Variants in PLXDC2 observed in about 807,000 individuals in gnomAD.
PLXDC2 encodes the protein plexin domain-containing protein 2.
Under a neutral mutation model 68.9 loss-of-function variants are expected in PLXDC2, and 40 were observed. The observed-to-expected ratio is 0.58, with a 90% confidence interval of 0.45 to 0.76. The LOEUF is 0.76. Ranked by LOEUF, PLXDC2 falls within the 30% of genes least tolerant of loss-of-function variation. PLXDC2 has a pLI of 0.00. For missense variants in PLXDC2, 644 were observed against 661.9 expected (o/e 0.97, Z 0.30); for synonymous variants, 243 against 234.2 (o/e 1.04, Z -0.34).
intron 13 of PLXDC2, among the ~76,000 whole-genome samples, chr10:20,261,777 C>T (rs1054040337): frequency 2.0e-5 from 3 of 152,142 alleles, no homozygotes; most frequent in Non-Finnish European, 2.9e-5. Flanking sequence ...TTGCTTGAAC[C>T]CGGGAGGCGG....
chr10:20,011,870 G>T (rs1835120135), intron 2 of PLXDC2, among the ~76,000 whole-genome samples: 1 of 152,144 alleles, frequency 6.6e-6, no homozygotes, highest in Non-Finnish European at 1.5e-5. Context: ...TGCCAGTTGG[G>T]TACACGAATC....
chr10:19,890,452 C>G (rs941100741), intron 1 of PLXDC2, among the ~76,000 whole-genome samples: 2 of 151,964 alleles, frequency 1.3e-5, no homozygotes, highest in East Asian at 3.9e-4. Context: ...ATCTGTATTT[C>G]CATGAGTTCC....
At chr10:20,181,515 G>A (rs536678393) in intron 9 of PLXDC2, among the ~76,000 whole-genome samples, 2 of 152,152 alleles carry the variant, frequency 1.3e-5, no homozygotes, top group South Asian at 2.1e-4. Flanking sequence ...GCCAGGAAAG[G>A]CTTTTTGGAG....
intron 6 of PLXDC2, among the ~76,000 whole-genome samples, 194 bp downstream of exon 6, chr10:20,148,096 A>G (rs750551942): frequency 6.6e-6 from 1 of 152,098 alleles, no homozygotes; most frequent in Non-Finnish European, 1.5e-5. Context: ...GCTCTTTTGT[A>G]TTCTGATATT....
intron 4 of PLXDC2, among the ~76,000 whole-genome samples, chr10:20,092,814 A>G (rs1833297686): frequency 6.6e-6 from 1 of 152,102 alleles, no homozygotes; most frequent in African/African-American, 2.4e-5. Flanking sequence ...TACAAGCAGA[A>G]CAAGAGGAAG....
rs147219313 is a variant in PLXDC2, at chr10:20,289,206, G to C, written c.*9387G>C. 1 of 152,118 alleles carries C rather than the reference G, an allele frequency of 6.6e-6. No homozygotes were observed. Among genetic ancestry groups the C allele is most frequent in the Non-Finnish European group, 1.5e-5 (1 of 68,032 alleles). 9.4% of individuals were successfully genotyped at this position (152,118 alleles called of 1,614,324 possible). A position where few individuals can be genotyped will look rare whatever the true frequency, so the allele number is the denominator to read the frequency against. On this transcript the variant is annotated 3_prime_UTR_variant, in exon 14 of 14. Coordinates refer to ENST00000377252, the MANE Select transcript of PLXDC2 (RefSeq NM_032812.9). Reference sequence around the variant, plus strand: ...GTTATTTTGCTTCTAAACCCACCCCGATGTGGAAACTGATACTAGCTAGAG... The same window carrying C: ...GTTATTTTGCTTCTAAACCCACCCCCATGTGGAAACTGATACTAGCTAGAG...
chr10:20,149,481 C>A (rs540492778), intron 6 of PLXDC2, among the ~76,000 whole-genome samples: 4 of 151,926 alleles, frequency 2.6e-5, no homozygotes. Flanking sequence ...TCAGGTGATC[C>A]TCCTGCCTCG....
chr10:19,847,831 A>G (rs184302563), intron 1 of PLXDC2, among the ~76,000 whole-genome samples: 1 of 152,288 alleles, frequency 6.6e-6, no homozygotes, highest in African/African-American at 2.4e-5. Context: ...TGGGTAACTG[A>G]TGGTTACAGT....
At chr10:19,905,457 GT>G (rs1297865709) in intron 1 of PLXDC2, among the ~76,000 whole-genome samples, 6 of 152,132 alleles carry the variant, frequency 3.9e-5, no homozygotes, top group Non-Finnish European at 8.8e-5. Flanking sequence ...ATTAAAGGTT[GT>G]TTTGGGGTTC....
intron 7 of PLXDC2, among the ~76,000 whole-genome samples, chr10:20,165,395 A>C (rs1052106117): frequency 6.6e-6 from 1 of 152,088 alleles, no homozygotes; most frequent in African/African-American, 2.4e-5. Flanking sequence ...GTCATCTAGC[A>C]TTAGGTATAT....
rs1833544849 is a variant in PLXDC2 at position 19,926,856 on chromosome 10, T to C, written c.113-74919T>C. The stretch of plus-strand genomic sequence containing the variant: ...AGACCAATGAGAGCCCTTGACATTT[T>C]GATCATTGCATCTTTTATTAAGATA... On this transcript the variant is annotated intron_variant, in intron 1 of 13. Coordinates refer to ENST00000377252, the MANE Select transcript of PLXDC2 (RefSeq NM_032812.9). Among the ~76,000 whole-genome samples the C allele has an allele frequency of 3.3e-5, 5 of 152,228 alleles. No individual in the cohort carries two copies. In the South Asian group the frequency reaches 1.0e-3, roughly 31 times the overall value.
At chr10:19,853,652 T>TGGGGGGGGGG (rs10563076) in intron 1 of PLXDC2, among the ~76,000 whole-genome samples, 1 of 129,106 alleles carries the variant, frequency 7.7e-6, no homozygotes, top group Non-Finnish European at 1.8e-5. Context: ...CTGCTTTGGG[T>TGGGGGGGGGG]GGGGGGGGGG....
In PLXDC2 at chr10:20,216,418, G is replaced by C. The variant is rs186144138; in HGVS notation, c.1123-1008G>C. Among the ~76,000 whole-genome samples the C allele has an allele frequency of 5.9e-3, 898 of 152,196 alleles. 5 individuals are homozygous for C. Among genetic ancestry groups the C allele is most frequent in the Non-Finnish European group, 6.2e-3 (423 of 68,008 alleles). On this transcript the variant is annotated intron_variant, in intron 10 of 13. Coordinates refer to ENST00000377252, the MANE Select transcript of PLXDC2 (RefSeq NM_032812.9). ...CTCAGAGGTGCAGGAACTGGAATTTGGGGAATTAAATGAGACCCTAGTATG... is the reference window on the plus strand; with the variant it reads ...CTCAGAGGTGCAGGAACTGGAATTTCGGGAATTAAATGAGACCCTAGTATG...
intron 1 of PLXDC2, among the ~76,000 whole-genome samples, chr10:19,973,254 A>AAG (rs1032599082): frequency 3.4e-4 from 51 of 149,498 alleles, no homozygotes; most frequent in African/African-American, 1.0e-3. Context: ...ATATATATGT[A>AAG]TATATATACT....
At chr10:20,092,050 G>A (rs1250425930) in intron 4 of PLXDC2, among the ~76,000 whole-genome samples, 2 of 152,104 alleles carry the variant, frequency 1.3e-5, no homozygotes, top group Admixed American at 6.5e-5. Context: ...TTTACTAAGC[G>A]AAACTTCATT....
rs1835826518 is a variant in PLXDC2, at chr10:20,262,856, G to A, written c.1474-16847G>A. Among the ~76,000 whole-genome samples, 3 of 152,286 alleles carry A rather than the reference G, an allele frequency of 2.0e-5. No individual in the cohort carries two copies. The South Asian group carries it at 6.2e-4, about 32-fold the overall frequency. Reference sequence around the variant, plus strand: ...CATTCCCATATCTCCTCACCAGGCAGGTCCTCCAGGCCTGGGCCTCCAGCC... The same window carrying A: ...CATTCCCATATCTCCTCACCAGGCAAGTCCTCCAGGCCTGGGCCTCCAGCC... On this transcript the variant is annotated intron_variant, in intron 13 of 13. Coordinates refer to ENST00000377252, the MANE Select transcript of PLXDC2 (RefSeq NM_032812.9).
intron 1 of PLXDC2, among the ~76,000 whole-genome samples, chr10:19,991,075 C>T (rs1170763522): frequency 1.3e-5 from 2 of 151,898 alleles, no homozygotes; most frequent in Non-Finnish European, 2.9e-5. Context: ...GGAGAAACCC[C>T]ATCTCCACTA....
At chr10:20,051,659 C>CCA (rs111849942) in intron 3 of PLXDC2, among the ~76,000 whole-genome samples, 191 of 151,914 alleles carry the variant, frequency 1.3e-3, no homozygotes, top group African/African-American at 4.4e-3. Flanking sequence ...GCTTTGCTAG[C>CCA]CAGTCTTGTG....
chr10:19,921,870 A>T (rs1283622826), intron 1 of PLXDC2, among the ~76,000 whole-genome samples: 1 of 151,268 alleles, frequency 6.6e-6, no homozygotes, highest in Non-Finnish European at 1.5e-5. Context: ...TAATTTTTTT[A>T]TTTTTTTGAG....
Sources: gnomAD v4.1 joint callset for allele counts (sites outside exome capture counted in the v4.1 genomes callset) on GRCh38, gnomAD v4.1.1 for gene constraint, MANE v1.5 for transcripts, NCBI Gene and HGNC (gene_info 2026-07-23, HGNC 2026-07-21) for gene names.